The following PIK3C2G variants were observed in gnomAD, a reference collection of about 807,000 sequenced individuals.
PIK3C2G encodes the protein phosphatidylinositol 3-kinase C2 domain-containing subunit gamma.
PIK3C2G carries 168 observed loss-of-function variants against 181.1 expected under a neutral mutation model. The ratio of observed to expected loss-of-function variants is 0.93; its 90% CI spans 0.82 to 1.05. PIK3C2G has a LOEUF of 1.05. Ranked by LOEUF, PIK3C2G falls within the 50% of genes least tolerant of loss-of-function variation. The pLI is 0.00. For missense variants in PIK3C2G, 1,869 were observed against 1,732.8 expected (o/e 1.08, Z -1.40); for synonymous variants, 573 against 592.2 (o/e 0.97, Z 0.47).
chr12:18,340,598 T>C (rs771735373), intron 9 of PIK3C2G, among the ~76,000 whole-genome samples: 1 of 152,182 alleles, frequency 6.6e-6, no homozygotes, highest in Non-Finnish European at 1.5e-5. Context: ...TTTAGAAACA[T>C]TACAAGCTCC....
intron 26 of PIK3C2G, among the ~76,000 whole-genome samples, chr12:18,553,084 C>T (rs1373048910): frequency 1.3e-5 from 2 of 151,944 alleles, no homozygotes; most frequent in African/African-American, 2.4e-5. Flanking sequence ...CTGTTAATCC[C>T]CATTGATATT....
chr12:18,613,556 C>T (rs1948450702), intron 31 of PIK3C2G, among the ~76,000 whole-genome samples: 1 of 151,790 alleles, frequency 6.6e-6, no homozygotes, highest in Non-Finnish European at 1.5e-5. Context: ...CCTGGGGGTC[C>T]TTGTTTTTAA....
Position 18,338,551 on chromosome 12 carries a change from A to G in PIK3C2G, c.1395+3A>G, listed in dbSNP as rs1290267104. ...TAATTCTTCAGAGAAAAGGAGAGGT[A>G]AGTACATTCATTTATTACACAGTAG... On this transcript the variant is annotated splice_donor_region_variant and intron_variant, in intron 9 of 32. Transcript: ENST00000538779. The G allele has an allele frequency of 6.4e-7, 1 of 1,572,080 alleles. No individual in the cohort carries two copies. The highest frequency in any genetic ancestry group is 8.7e-7 in the Non-Finnish European group (1 of 1,149,250).
intron 7 of PIK3C2G, among the ~76,000 whole-genome samples, chr12:18,322,396 T>C (rs541947126): frequency 9.8e-4 from 146 of 149,462 alleles, no homozygotes; most frequent in Middle Eastern, 3.4e-3. Context: ...AAAAAAATAA[T>C]AATTAATTTA....
At chr12:18,577,806 C>T (rs765048175) in intron 29 of PIK3C2G, among the ~76,000 whole-genome samples, 2 of 152,170 alleles carry the variant, frequency 1.3e-5, no homozygotes, top group East Asian at 3.9e-4. Flanking sequence ...CTACATCTCA[C>T]TTATTATTTG....
the PIK3C2G span, among the ~76,000 whole-genome samples, chr12:18,662,595 G>C: frequency 6.6e-6 from 1 of 152,064 alleles, no homozygotes; most frequent in African/African-American, 2.4e-5. Context: ...TTGGTCTGCA[G>C]CTATACATTT....
chr12:18,328,641 T>C (rs1401011751), intron 8 of PIK3C2G, among the ~76,000 whole-genome samples: 3 of 152,004 alleles, frequency 2.0e-5, no homozygotes, highest in Non-Finnish European at 4.4e-5. Context: ...CAGATTTATA[T>C]GATTCATCAC....
the PIK3C2G span, among the ~76,000 whole-genome samples, chr12:18,682,618 T>C: frequency 6.6e-6 from 1 of 152,042 alleles, no homozygotes; most frequent in Non-Finnish European, 1.5e-5. Flanking sequence ...GATCCAAGCA[T>C]GTAAGTCCAC....
At chr12:18,662,534 A>G in the PIK3C2G span, among the ~76,000 whole-genome samples, 1 of 152,156 alleles carries the variant, frequency 6.6e-6, no homozygotes, top group African/African-American at 2.4e-5. Context: ...GTAAAGATCC[A>G]CAGTAAAGGT....
intron 18 of PIK3C2G, among the ~76,000 whole-genome samples, chr12:18,478,180 G>C (rs1939194705): frequency 6.6e-6 from 1 of 152,136 alleles, no homozygotes; most frequent in Non-Finnish European, 1.5e-5. Flanking sequence ...CATTTTCAAA[G>C]AGTAAGGGAA....
chr12:18,697,737 G>A, the PIK3C2G span, among the ~76,000 whole-genome samples: 24,870 of 151,724 alleles, frequency 0.16, 2,197 homozygotes, highest in Middle Eastern at 0.24. Context: ...TTCACAAACC[G>A]TTATCTTTAT....
intron 16 of PIK3C2G, among the ~76,000 whole-genome samples, chr12:18,419,185 T>C (rs1415011935): frequency 6.6e-6 from 1 of 152,170 alleles, no homozygotes; most frequent in East Asian, 1.9e-4. Context: ...GGAGTTTGCA[T>C]TCTAGTGGAA....
intron 5 of PIK3C2G, among the ~76,000 whole-genome samples, chr12:18,303,577 C>T (rs1264971837): frequency 1.3e-5 from 2 of 152,138 alleles, no homozygotes; most frequent in African/African-American, 4.8e-5. Flanking sequence ...ATCAGCCCAC[C>T]TTGGCCTCTC....
At chr12:18,405,396 T>TGTGGTG (rs746678614) in intron 16 of PIK3C2G, among the ~76,000 whole-genome samples, 3,108 of 122,002 alleles carry the variant, frequency 0.025, 30 homozygotes, top group South Asian at 0.048. Flanking sequence ...CAGCAACATT[T>TGTGGTG]GTGTTGTTGT....
At chr12:18,412,526 C>T (rs952808835) in intron 16 of PIK3C2G, among the ~76,000 whole-genome samples, 23 of 151,886 alleles carry the variant, frequency 1.5e-4, no homozygotes, top group Admixed American at 9.8e-4. Flanking sequence ...TAAAGAGACT[C>T]GCAAAAATGT....
At chr12:18,245,919 T>A (rs1948035130), upstream of PIK3C2G, among the ~76,000 whole-genome samples, 1 of 152,154 alleles carries the variant, frequency 6.6e-6, no homozygotes, top group Admixed American at 6.6e-5. Flanking sequence ...TTGCCACTAG[T>A]CGAATATTGC....
At chr12:18,403,752 C>T (rs901288260) in intron 16 of PIK3C2G, among the ~76,000 whole-genome samples, 5 of 152,052 alleles carry the variant, frequency 3.3e-5, no homozygotes, top group Admixed American at 2.6e-4. Context: ...CTACTGAGTG[C>T]CAGCAGAGAG....
At chr12:18,365,941 A>G (rs1941612003) in intron 12 of PIK3C2G, among the ~76,000 whole-genome samples, 1 of 152,192 alleles carries the variant, frequency 6.6e-6, no homozygotes, top group East Asian at 1.9e-4. Context: ...AGAAAATCTT[A>G]ATGGCTCTCT....
At chr12:18,714,146 T>G in the PIK3C2G span, among the ~76,000 whole-genome samples, 1 of 152,218 alleles carries the variant, frequency 6.6e-6, no homozygotes, top group African/African-American at 2.4e-5. Flanking sequence ...TTCACTCAAA[T>G]TTATTGATTT....
Sources: gnomAD v4.1 joint callset for allele counts (sites outside exome capture counted in the v4.1 genomes callset) on GRCh38, gnomAD v4.1.1 for gene constraint, MANE v1.5 for transcripts, NCBI Gene and HGNC (gene_info 2026-07-23, HGNC 2026-07-21) for gene names.